The following PAX2 variants were observed in gnomAD, a reference collection of about 807,000 sequenced individuals.
The protein encoded by PAX2 is paired box 2.
A neutral mutation model predicts 41.7 loss-of-function variants in PAX2; 9 were observed. That is an observed-to-expected ratio of 0.22 (90% CI 0.13 to 0.38). PAX2 has a LOEUF of 0.38. PAX2 is among the 10% of genes least tolerant of loss of function. The pLI, the probability that PAX2 is intolerant of heterozygous loss-of-function variation, is 1.00. For synonymous variants in PAX2, 221 were observed against 212.7 expected (o/e 1.04, Z -0.34); for missense variants, 418 against 531.6 (o/e 0.79, Z 2.10).
intron 7 of PAX2, among the ~76,000 whole-genome samples, chr10:100,812,124 G>A (rs1353426119): frequency 1.3e-5 from 2 of 152,210 alleles, no homozygotes; most frequent in Admixed American, 6.5e-5. Context: ...GGCTGCCGGA[G>A]GCTAGGGCTC....
intron 5 of PAX2, among the ~76,000 whole-genome samples, chr10:100,781,970 G>A (rs1217390883): frequency 1.3e-5 from 2 of 152,186 alleles, no homozygotes; most frequent in African/African-American, 4.8e-5. Flanking sequence ...CAAAGGGAAG[G>A]GGGAAGGAAG....
chr10:100,771,389 A>G (rs938961026), intron 3 of PAX2, among the ~76,000 whole-genome samples: 2 of 152,234 alleles, frequency 1.3e-5, no homozygotes, highest in Admixed American at 1.3e-4. Context: ...CATGGGCAAA[A>G]AAACCTCTAA....
chr10:100,787,042 G>A, intron 5 of PAX2: 1 of 1,286,602 alleles, frequency 7.8e-7, no homozygotes, highest in Non-Finnish European at 1.1e-6. Flanking sequence ...ATGGCGTGGG[G>A]GTCAAGGGAA....
At chr10:100,742,677 T>C (rs1263037070), upstream of PAX2, among the ~76,000 whole-genome samples, 4 of 149,994 alleles carry the variant, frequency 2.7e-5, no homozygotes, top group Non-Finnish European at 5.9e-5. Flanking sequence ...TAAATGCCCC[T>C]AGGTTGGGGG....
Position 100,828,469 on chromosome 10 carries a change from C to T in PAX2, c.*850C>T, listed in dbSNP as rs1848664767. ...CTCAGCGTCTCTTCCACCTGCTGGC[C>T]TCCCAGTTTCCCCTCCTGCCAGTCC... On this transcript the variant is annotated 3_prime_UTR_variant, in exon 10 of 10. Transcript: ENST00000355243. The surrounding 1 kb of genome is among the most constrained non-coding windows in gnomAD (Gnocchi z 6.5). 2 of 234,232 alleles carry T rather than the reference C, an allele frequency of 8.5e-6. No homozygotes were observed. The highest frequency in any genetic ancestry group is 5.6e-5 in the Admixed American group (1 of 17,816). 14.5% of individuals were successfully genotyped at this position (234,232 alleles called of 1,614,324 possible). A position where few individuals can be genotyped will look rare whatever the true frequency, so the allele number is the denominator to read the frequency against.
At chr10:100,819,167 GA>G (rs1302813386) in intron 7 of PAX2, among the ~76,000 whole-genome samples, 1 of 151,716 alleles carries the variant, frequency 6.6e-6, no homozygotes, top group East Asian at 1.9e-4. Context: ...AGAATCACTT[GA>G]ACCTGGGAGG....
intron 3 of PAX2, among the ~76,000 whole-genome samples, chr10:100,773,315 T>C (rs951918636): frequency 1.3e-5 from 2 of 152,196 alleles, no homozygotes; most frequent in African/African-American, 4.8e-5. Flanking sequence ...TGAGGAAGCA[T>C]TGCTCCTAGA....
Position 100,827,127 on chromosome 10 carries a change from AGCGCGGCCG to A in PAX2, c.1108+33_1108+41del. 1 of 1,559,820 alleles carries A rather than the reference AGCGCGGCCG, an allele frequency of 6.4e-7. No individual in the cohort carries two copies. The highest frequency in any genetic ancestry group is 8.8e-7 in the Non-Finnish European group (1 of 1,131,486). On this transcript the variant is annotated intron_variant, in intron 9 of 9. Coordinates refer to ENST00000355243, the MANE Select transcript of PAX2 (RefSeq NM_000278.5). The surrounding 1 kb of genome is among the most constrained non-coding windows in gnomAD (Gnocchi z 8.5). ...ACGCCACCTGGCTGGCCGGCGGCTC[AGCGCGGCCG>A]CGCGGCTTCTGGGCACGGTCCCACT...
intron 7 of PAX2, among the ~76,000 whole-genome samples, chr10:100,816,922 C>T (rs1001210533): frequency 5.9e-5 from 9 of 152,176 alleles, no homozygotes; most frequent in African/African-American, 2.2e-4. Flanking sequence ...TAGGGTTTCA[C>T]TTACACAGAG....
At chr10:100,783,077 A>C (rs1019890083) in intron 5 of PAX2, among the ~76,000 whole-genome samples, 1 of 152,190 alleles carries the variant, frequency 6.6e-6, no homozygotes, top group African/African-American at 2.4e-5. Flanking sequence ...GGGGCAAGAA[A>C]GGCTGGGGGT....
chr10:100,804,241 G>T lies in PAX2; in HGVS notation c.617-2189G>T, dbSNP rs138647667. Among the ~76,000 whole-genome samples, 20 of 150,564 alleles carry T rather than the reference G, an allele frequency of 1.3e-4. No homozygotes were observed. In the East Asian group the frequency reaches 4.0e-3, roughly 30 times the overall value. Reference sequence around the variant, plus strand: ...AGGCAAAGAGACTCCTCCAGCCAGTGACCTGAGGACAAAGCTTCAGTTCAG... The same window carrying T: ...AGGCAAAGAGACTCCTCCAGCCAGTTACCTGAGGACAAAGCTTCAGTTCAG... On this transcript the variant is annotated intron_variant, in intron 5 of 9. Transcript: ENST00000355243.
chr10:100,760,575 C>A (rs915133944), intron 3 of PAX2, among the ~76,000 whole-genome samples: 1 of 152,120 alleles, frequency 6.6e-6, no homozygotes, highest in Non-Finnish European at 1.5e-5. Flanking sequence ...TGTGTAGTAT[C>A]GCACTAGGAG....
rs753093495 is a variant in PAX2, at chr10:100,827,131, C to A, written c.1108+36C>A. On this transcript the variant is annotated intron_variant, in intron 9 of 9. Coordinates refer to ENST00000355243, the MANE Select transcript of PAX2 (RefSeq NM_000278.5). This position sits in a 1 kb window ranked among gnomAD's most constrained non-coding sequence, Gnocchi z 8.5. Reference sequence around the variant, plus strand: ...CACCTGGCTGGCCGGCGGCTCAGCGCGGCCGCGCGGCTTCTGGGCACGGTC... The same window carrying A: ...CACCTGGCTGGCCGGCGGCTCAGCGAGGCCGCGCGGCTTCTGGGCACGGTC... 1.3e-6 allele frequency: 2 copies of A among 1,534,234 alleles called. No homozygotes were observed. Among genetic ancestry groups the A allele is most frequent in the African/African-American group, 1.4e-5 (1 of 73,268 alleles).
chr10:100,803,686 G>A (rs988586562), intron 5 of PAX2, among the ~76,000 whole-genome samples: 1 of 151,936 alleles, frequency 6.6e-6, no homozygotes, highest in African/African-American at 2.4e-5. Flanking sequence ...GGGGTTCTCC[G>A]CATGCTTTCA....
At position 100,748,425 on chromosome 10, in the gene PAX2, C is replaced by A; in HGVS notation, c.44-1321C>A. 3.0e-6 allele frequency: 3 copies of A among 984,820 alleles called. No individual in the cohort carries two copies. The highest frequency in any genetic ancestry group is 3.6e-6 in the Non-Finnish European group (3 of 829,658). 61.0% of individuals were successfully genotyped at this position (984,820 alleles called of 1,614,324 possible). On this transcript the variant is annotated intron_variant, in intron 1 of 9. Coordinates refer to ENST00000355243, the MANE Select transcript of PAX2 (RefSeq NM_000278.5). This position sits in a 1 kb window ranked among gnomAD's most constrained non-coding sequence, Gnocchi z 5.0. ...GGTTTCACCGAGCTTGCTCTAGGTA[C>A]CCCCCGAGAAAGGGAGGGGAGAGAA...
chr10:100,800,172 C>T (rs1366994716), intron 5 of PAX2, among the ~76,000 whole-genome samples: 1 of 152,172 alleles, frequency 6.6e-6, no homozygotes, highest in African/African-American at 2.4e-5. Flanking sequence ...CCCCGTTCAT[C>T]CCACCCTGAT....
rs56136871 is a variant in PAX2, at chr10:100,777,398, CT to C, written c.411-2086del. ...ACAGGCATGAGCCACCGCATCTGGC[CT>C]TTTTTTTTTTTTTGAGATGGAGTCT... On this transcript the variant is annotated intron_variant, in intron 3 of 9. Transcript: ENST00000355243. Among the ~76,000 whole-genome samples, 809 of 121,836 alleles carry C rather than the reference CT, an allele frequency of 6.6e-3. 10 individuals are homozygous for C. The highest frequency in any genetic ancestry group is 0.024 in the Middle Eastern group (4 of 168). The allele number at this position is 121,836 out of a possible 152,430, so 79.9% of individuals were successfully genotyped here.
intron 7 of PAX2, among the ~76,000 whole-genome samples, chr10:100,812,339 C>A (rs952182193): frequency 1.3e-5 from 2 of 152,262 alleles, no homozygotes; most frequent in African/African-American, 4.8e-5. Flanking sequence ...CATCTCTTCT[C>A]TCCAGCCCAC....
chr10:100,781,693 C>G (rs1333226931), intron 5 of PAX2, among the ~76,000 whole-genome samples: 1 of 152,184 alleles, frequency 6.6e-6, no homozygotes, highest in East Asian at 1.9e-4. Context: ...GGTCTCTGGC[C>G]TGAGGATGAA....
Sources: allele counts gnomAD v4.1 joint callset (sites outside exome capture counted in the v4.1 genomes callset), GRCh38; gene constraint gnomAD v4.1.1; non-coding constraint Gnocchi (gnomAD v3.1); transcripts MANE v1.5; gene names NCBI Gene and HGNC (gene_info 2026-07-23, HGNC 2026-07-21).